The following ARHGEF37 variants were observed in gnomAD, a reference collection of about 807,000 sequenced individuals.
The protein encoded by ARHGEF37 is Rho guanine nucleotide exchange factor (GEF) 37.
In ARHGEF37, 55 loss-of-function variants were observed where a neutral mutation model predicts 71.1. The observed-to-expected ratio is 0.77, with a 90% CI of 0.62 to 0.97. The LOEUF is 0.97. ARHGEF37 is among the 50% of genes least tolerant of loss of function. The probability of loss-of-function intolerance (pLI) is 0.00; values close to 1 mark genes in which losing one functional copy is unlikely to be tolerated. For synonymous variants in ARHGEF37, 327 were observed against 350.6 expected (o/e 0.93, Z 0.75); for missense variants, 765 against 836.8 (o/e 0.91, Z 1.06).
intron 10 of ARHGEF37, among the ~76,000 whole-genome samples, chr5:149,626,241 AACACACACACACACACAC>A (rs58263212): frequency 1.5e-5 from 2 of 133,744 alleles, no homozygotes; most frequent in Non-Finnish European, 3.3e-5. Flanking sequence ...GAGCATGGTG[AACACACACACACACACAC>A]ACACACACAC....
At chr5:149,626,638 T>A (rs1043667741) in intron 10 of ARHGEF37, among the ~76,000 whole-genome samples, 16 of 152,198 alleles carry the variant, frequency 1.1e-4, no homozygotes, top group Non-Finnish European at 1.9e-4. Context: ...TTCCTGCATA[T>A]GTGAAATCCG....
At chr5:149,558,779 C>G (rs1762789795) in intron 1 of ARHGEF37, among the ~76,000 whole-genome samples, 1 of 148,792 alleles carries the variant, frequency 6.7e-6, no homozygotes, top group Non-Finnish European at 1.5e-5. Flanking sequence ...CTGTTCCTTT[C>G]CTTATAAATG....
intron 9 of ARHGEF37, among the ~76,000 whole-genome samples, 170 bp downstream of exon 9, chr5:149,622,232 G>A (rs925263045): frequency 1.3e-5 from 2 of 152,162 alleles, no homozygotes; most frequent in African/African-American, 4.8e-5. Context: ...CTCATGCCCA[G>A]TCTCCCTCTG....
At chr5:149,584,028 G>C (rs1053198950) in intron 1 of ARHGEF37, among the ~76,000 whole-genome samples, 1 of 152,084 alleles carries the variant, frequency 6.6e-6, no homozygotes, top group East Asian at 1.9e-4. Context: ...CCAAAGTGCT[G>C]GGATTACAGG....
In ARHGEF37 at chr5:149,573,470, G is replaced by A. The variant is rs188912821; in HGVS notation, c.-12+21347G>A. Among the ~76,000 whole-genome samples the A allele has an allele frequency of 8.3e-3, 1,269 of 152,206 alleles. 50 individuals are homozygous for A. Among genetic ancestry groups the A allele is most frequent in the Admixed American group, 0.077 (1,181 of 15,270 alleles). On this transcript the variant is annotated intron_variant, in intron 1 of 2. Coordinates refer to the ARHGEF37 transcript ENST00000505810. ...TCACTGCTAAAATGTTCTCTCCATAGGAGCACTTTTCTTGACCAAATTATT... is the reference window on the plus strand; with the variant it reads ...TCACTGCTAAAATGTTCTCTCCATAAGAGCACTTTTCTTGACCAAATTATT...
chr5:149,608,088 G>T (rs1302921581), intron 3 of ARHGEF37, among the ~76,000 whole-genome samples: 1 of 151,934 alleles, frequency 6.6e-6, no homozygotes, highest in Non-Finnish European at 1.5e-5. Flanking sequence ...TCTTAAGGAT[G>T]GGGGAGATTA....
At chr5:149,618,774 G>A (rs1003500750) in intron 6 of ARHGEF37, among the ~76,000 whole-genome samples, 164 bp from the exon 7 acceptor site, 4 of 152,200 alleles carry the variant, frequency 2.6e-5, no homozygotes, top group African/African-American at 9.7e-5. Flanking sequence ...TGCTCTGAAT[G>A]TAAAACCACT....
At chr5:149,568,253 C>T (rs7710373) in intron 1 of ARHGEF37, among the ~76,000 whole-genome samples, 7 of 151,784 alleles carry the variant, frequency 4.6e-5, no homozygotes, top group Admixed American at 6.6e-5. Context: ...TCTTGAACTC[C>T]TGTGCTCAAA....
chr5:149,564,328 A>G (rs566184340), intron 1 of ARHGEF37, among the ~76,000 whole-genome samples: 2 of 152,322 alleles, frequency 1.3e-5, no homozygotes, highest in East Asian at 3.9e-4. Flanking sequence ...TAAATTTTAG[A>G]TAGGGCAACT....
At chr5:149,585,675 G>A (rs1452522649) in intron 1 of ARHGEF37, among the ~76,000 whole-genome samples, 2 of 114,640 alleles carry the variant, frequency 1.7e-5, no homozygotes, top group African/African-American at 3.6e-5. Flanking sequence ...CTGCCACCAC[G>A]CCCAGCTAAT....
rs745664897 is a variant in ARHGEF37, at chr5:149,558,689, ATATG to A, written c.-12+6568_-12+6571del. Among the ~76,000 whole-genome samples the A allele has an allele frequency of 4.6e-3, 242 of 52,664 alleles. 1 individual carries two copies. Among genetic ancestry groups the A allele is most frequent in the Middle Eastern group, 0.024 (4 of 164 alleles). 34.5% of individuals were successfully genotyped at this position (52,664 alleles called of 152,430 possible). On this transcript the variant is annotated intron_variant, in intron 1 of 2. Coordinates refer to the ARHGEF37 transcript ENST00000505810. ...CAATGATCTTTAAAAAACCATATAT[ATATG>A]TGTGTGTGTGTGTGTGTGTGTGTGT...
chr5:149,556,015 A>T (rs1329187383), intron 1 of ARHGEF37, among the ~76,000 whole-genome samples: 1 of 152,128 alleles, frequency 6.6e-6, no homozygotes, highest in Non-Finnish European at 1.5e-5. Flanking sequence ...GTGTTTACTC[A>T]AGCAACGGTC....
chr5:149,621,582 G>T lies in ARHGEF37; in HGVS notation c.1006-151G>T. 3 of 703,068 alleles carry T rather than the reference G, an allele frequency of 4.3e-6. No individual in the cohort carries two copies. The South Asian group carries it at 5.7e-5, about 13-fold the overall frequency. 43.6% of individuals were successfully genotyped at this position (703,068 alleles called of 1,614,324 possible). On this transcript the variant is annotated intron_variant, in intron 8 of 12. Transcript: ENST00000333677. ...CCATTTTTCAGATGGGCAGATTGAG[G>T]CCCAGAGAAGTTAGATAACATGCTA... is the stretch of plus-strand genomic sequence containing the variant.
At chr5:149,629,682 G>C (rs1326124240) in intron 12 of ARHGEF37, among the ~76,000 whole-genome samples, 1 of 152,210 alleles carries the variant, frequency 6.6e-6, no homozygotes, top group African/African-American at 2.4e-5. Flanking sequence ...AGGGCCTTGT[G>C]GCCTTGACAA....
intron 4 of ARHGEF37, among the ~76,000 whole-genome samples, chr5:149,612,268 CG>C (rs1190124307): frequency 6.6e-6 from 1 of 152,088 alleles, no homozygotes; most frequent in Non-Finnish European, 1.5e-5. Context: ...CCCGGGTTCA[CG>C]CCATTCTCCT....
chr5:149,599,434 CTTAT>C (rs57745588), intron 2 of ARHGEF37, among the ~76,000 whole-genome samples: 2 of 147,814 alleles, frequency 1.4e-5, no homozygotes, highest in Non-Finnish European at 3.0e-5. Flanking sequence ...CCAAGGCAAA[CTTAT>C]TTATTTATTT....
At chr5:149,559,597 A>T (rs1010790853) in intron 1 of ARHGEF37, among the ~76,000 whole-genome samples, 5 of 152,202 alleles carry the variant, frequency 3.3e-5, no homozygotes, top group African/African-American at 9.6e-5. Context: ...ATCTAAAATT[A>T]AGTGGTTTAG....
intron 5 of ARHGEF37, 46 bp from the exon 6 acceptor site, chr5:149,618,130 T>C (rs1406385021): frequency 1.2e-6 from 2 of 1,609,116 alleles, no homozygotes; most frequent in East Asian, 2.2e-5. Flanking sequence ...TCCACTTTCC[T>C]GAGTTGGCTT....
intron 4 of ARHGEF37, among the ~76,000 whole-genome samples, chr5:149,610,160 G>A (rs1231818458): frequency 1.3e-5 from 2 of 152,218 alleles, no homozygotes; most frequent in African/African-American, 4.8e-5. Flanking sequence ...CCTACCACAT[G>A]TCCAGGGTTG....
Sources: gnomAD v4.1 joint callset for allele counts (sites outside exome capture counted in the v4.1 genomes callset) on GRCh38, gnomAD v4.1.1 for gene constraint, MANE v1.5 for transcripts, NCBI Gene and HGNC (gene_info 2026-07-23, HGNC 2026-07-21) for gene names.